PLVAP: variants seen among roughly 807,000 people sequenced by gnomAD.
The protein encoded by PLVAP is plasmalemma vesicle-associated protein.
PLVAP carries 34 observed loss-of-function variants against 43.1 expected under a neutral mutation model. The ratio of observed to expected loss-of-function variants is 0.79; its 90% CI spans 0.60 to 1.05. The LOEUF is 1.05. Among genes scored for constraint, PLVAP ranks in the 50% least tolerant of loss-of-function variants. PLVAP has a pLI of 0.00. For synonymous variants in PLVAP, 241 were observed against 237.3 expected, an observed-to-expected ratio of 1.02 and a Z score of -0.14; for missense variants, 574 against 593.4, an observed-to-expected ratio of 0.97 and a Z score of 0.34.
intron 1 of PLVAP, among the ~76,000 whole-genome samples, chr19:17,366,921 C>T (rs1198094974): frequency 4.1e-5 from 6 of 148,000 alleles, no homozygotes; most frequent in Non-Finnish European, 5.9e-5. Context: ...CAGGCTTGAG[C>T]CACTGTGCCC....
At chr19:17,366,034 G>T (rs368563610) in intron 2 of PLVAP, 36 bp from the exon 3 acceptor site, 461 of 1,611,468 alleles carry the variant, frequency 2.9e-4, no homozygotes, top group Non-Finnish European at 3.8e-4. Flanking sequence ...CAGGAAGATT[G>T]GGGGCTGCCG....
intron 1 of PLVAP, among the ~76,000 whole-genome samples, chr19:17,371,132 T>C (rs1433248958): frequency 6.6e-6 from 1 of 151,952 alleles, no homozygotes; most frequent in Admixed American, 6.6e-5. Flanking sequence ...ATGAATTATA[T>C]ATCAATAAAG....
intron 3 of PLVAP, among the ~76,000 whole-genome samples, chr19:17,364,242 C>G (rs920612384): frequency 1.3e-5 from 2 of 152,048 alleles, no homozygotes. Flanking sequence ...CACGCCGCCA[C>G]GCCCAGCTAA....
chr19:17,354,807 A>T (rs1222256548), intron 5 of PLVAP, among the ~76,000 whole-genome samples: 2 of 151,278 alleles, frequency 1.3e-5, no homozygotes, highest in Non-Finnish European at 2.9e-5. Flanking sequence ...CTGAGGCAGG[A>T]GAATGGCGTG....
In PLVAP at chr19:17,365,787, C is replaced by G; in HGVS notation, c.678G>C (p.Leu226=). The G allele has an allele frequency of 6.2e-7, 1 of 1,614,172 alleles. No homozygotes were observed. The highest frequency in any genetic ancestry group is 8.5e-7 in the Non-Finnish European group (1 of 1,180,038). The change falls in exon 3 of 6, where the codon CTG becomes CTC. Residue 226 remains leucine, a synonymous_variant. Transcript: ENST00000252590. ...EQLQKVQALC[L]PLDKDKFEMD... ...TCTCAAACTTGTCCTTGTCCAGGGGCAGGCAGAGGGCTTGCACCTTTTGCA... is the reference window on the plus strand; with the variant it reads ...TCTCAAACTTGTCCTTGTCCAGGGGGAGGCAGAGGGCTTGCACCTTTTGCA...
chr19:17,363,994 C>T (rs545354518), intron 3 of PLVAP, among the ~76,000 whole-genome samples: 1 of 152,104 alleles, frequency 6.6e-6, no homozygotes, highest in East Asian at 1.9e-4. Context: ...GATCCACCCA[C>T]CTCGGCCGCC....
chr19:17,362,794 G>A (rs963073176), intron 3 of PLVAP: 2 of 152,146 alleles, frequency 1.3e-5, no homozygotes, highest in Admixed American at 6.6e-5. Context: ...GAAATCCTAA[G>A]TGAAATCCTA....
chr19:17,359,042 C>G (rs921241089), intron 5 of PLVAP, among the ~76,000 whole-genome samples: 1 of 152,026 alleles, frequency 6.6e-6, no homozygotes, highest in African/African-American at 2.4e-5. Context: ...TCAAGCAATC[C>G]TCTCACCTCG....
rs539524093 is a variant in PLVAP, at chr19:17,365,463, G to A, written c.1002C>T (p.Ala334=). The part of the protein sequence containing the change: ...KVEKEAQARE[A]KLQAECSRQT... ...GCCGGGAGCATTCAGCTTGGAGCTT[G>A]GCCTCCCGGGCCTGAGCCTCCTTCT... The change falls in exon 3 of 6, where the codon GCC becomes GCT. Residue 334 remains alanine, a synonymous_variant. Transcript: ENST00000252590. The A allele has an allele frequency of 6.2e-7, 1 of 1,612,786 alleles. No homozygotes were observed. The highest frequency in any genetic ancestry group is 1.1e-5 in the South Asian group (1 of 91,088).
At chr19:17,372,398 A>G (rs1045672203) in intron 1 of PLVAP, among the ~76,000 whole-genome samples, 1 of 149,982 alleles carries the variant, frequency 6.7e-6, no homozygotes, top group African/African-American at 2.4e-5. Context: ...GACAGAGTGA[A>G]ACTCTGTGTC....
intron 1 of PLVAP, among the ~76,000 whole-genome samples, chr19:17,374,819 TATG>T (rs2074588298): frequency 1.5e-5 from 2 of 134,464 alleles, no homozygotes; most frequent in Admixed American, 7.4e-5. Context: ...TGTATGTATG[TATG>T]TATGTATTTA....
Position 17,353,052 on chromosome 19 carries a change from C to A in PLVAP, c.1323-684G>T, listed in dbSNP as rs1051131692. Among the ~76,000 whole-genome samples the A allele has an allele frequency of 2.0e-5, 3 of 152,244 alleles. No homozygotes were observed. In the East Asian group the frequency reaches 5.8e-4, roughly 29 times the overall value. ...TCTGGGATGCCCTCCCCCTCCTGGG[C>A]CTGGCAGAGGTTCCTGCGAGGGGTC... On this transcript the variant is annotated intron_variant, in intron 5 of 5. Transcript: ENST00000252590.
intron 5 of PLVAP, among the ~76,000 whole-genome samples, chr19:17,358,455 G>C (rs941398814): frequency 6.6e-6 from 1 of 152,098 alleles, no homozygotes; most frequent in African/African-American, 2.4e-5. Flanking sequence ...GGGGTCAAAG[G>C]GATCTGACTT....
At chr19:17,356,884 A>T (rs1055493950) in intron 5 of PLVAP, among the ~76,000 whole-genome samples, 1 of 152,006 alleles carries the variant, frequency 6.6e-6, no homozygotes, top group Non-Finnish European at 1.5e-5. Flanking sequence ...ACTTGAACCC[A>T]GGAGGTGGAG....
intron 3 of PLVAP, 115 bp from the exon 4 acceptor site, chr19:17,360,947 T>G: frequency 3.1e-6 from 3 of 973,084 alleles, no homozygotes; most frequent in Non-Finnish European, 4.5e-6. Context: ...GGAGTTTCGC[T>G]CTTGTTGCCC....
chr19:17,377,317 T>G lies in PLVAP; in HGVS notation c.-29A>C. Reference sequence around the variant, plus strand: ...CTCGATCCCGCCGTCCGGTGCACCGTCCCTGCTCACCACCAGGCCTGCTCT... The same window carrying G: ...CTCGATCCCGCCGTCCGGTGCACCGGCCCTGCTCACCACCAGGCCTGCTCT... On this transcript the variant is annotated 5_prime_UTR_variant, in exon 1 of 6. Transcript: ENST00000252590. 2 of 1,565,950 alleles carry G rather than the reference T, an allele frequency of 1.3e-6. No homozygotes were observed. Among genetic ancestry groups the G allele is most frequent in the Non-Finnish European group, 1.7e-6 (2 of 1,144,176 alleles).
chr19:17,365,393 G>C lies in PLVAP; in HGVS notation c.1072C>G (p.Arg358Gly), dbSNP rs761158492. 3.7e-6 allele frequency: 6 copies of C among 1,613,086 alleles called. No individual in the cohort carries two copies. The East Asian group carries it at 1.3e-4, about 36-fold the overall frequency. Residue 358 changes from arginine to glycine, a missense_variant, in exon 3 of 6, where the codon CGA becomes GGA. Coordinates refer to ENST00000252590, the MANE Select transcript of PLVAP (RefSeq NM_031310.3). ...LEEKAVLRKE[R>G]DNLAKELEEK... Reference sequence around the variant, plus strand: ...TCCAGCTCCTTGGCCAGGTTGTCTCGTTCCTTCCGCAGCACCGCCTTCTCC... The same window carrying C: ...TCCAGCTCCTTGGCCAGGTTGTCTCCTTCCTTCCGCAGCACCGCCTTCTCC...
chr19:17,368,713 C>T (rs2074559927), intron 1 of PLVAP, among the ~76,000 whole-genome samples: 1 of 152,064 alleles, frequency 6.6e-6, no homozygotes, highest in Non-Finnish European at 1.5e-5. Context: ...TATGGTGGCT[C>T]ACGCCTGTAA....
intron 3 of PLVAP, among the ~76,000 whole-genome samples, chr19:17,364,764 CTTTTTTTT>C (rs71162109): frequency 4.6e-5 from 4 of 87,360 alleles, no homozygotes; most frequent in South Asian, 7.8e-4. Context: ...TAATTCCAGT[CTTTTTTTT>C]TTTTTTTTTT....
Sources: allele counts gnomAD v4.1 joint callset (sites outside exome capture counted in the v4.1 genomes callset), GRCh38; gene constraint gnomAD v4.1.1; transcripts MANE v1.5; gene names NCBI Gene and HGNC (gene_info 2026-07-23, HGNC 2026-07-21).